The following CAMTA1 variants were observed in gnomAD, a reference collection of about 807,000 sequenced individuals.
The protein encoded by CAMTA1 is calmodulin-binding transcription activator 1.
CAMTA1 carries 27 observed loss-of-function variants against 170.9 expected under a neutral mutation model. That is an observed-to-expected ratio of 0.16 (90% CI 0.12 to 0.22). CAMTA1 has a LOEUF of 0.22. Among genes scored for constraint, CAMTA1 ranks in the 10% least tolerant of loss-of-function variants. The probability of loss-of-function intolerance (pLI) is 1.00; values close to 1 mark genes in which losing one functional copy is unlikely to be tolerated. For synonymous variants in CAMTA1, 833 were observed against 891.5 expected (o/e 0.93, Z 1.17); for missense variants, 1,619 against 2,217.2 (o/e 0.73, Z 5.42).
At chr1:7,493,901 T>C (rs965668941) in intron 6 of CAMTA1, among the ~76,000 whole-genome samples, 2 of 152,116 alleles carry the variant, frequency 1.3e-5, no homozygotes, top group East Asian at 3.9e-4. Flanking sequence ...CAGTGCTGGA[T>C]GGCCCCATGG....
intron 6 of CAMTA1, among the ~76,000 whole-genome samples, chr1:7,517,814 G>A (rs568183595): frequency 6.6e-6 from 1 of 152,082 alleles, no homozygotes; most frequent in Admixed American, 6.5e-5. Flanking sequence ...GTACACCCCT[G>A]GAGGATGTCC....
At position 7,171,779 on chromosome 1, in the gene CAMTA1, C is replaced by G. The variant is rs768224984; in HGVS notation, c.303-77712C>G. Among the ~76,000 whole-genome samples the G allele has an allele frequency of 5.9e-5, 9 of 152,328 alleles. No homozygotes were observed. In the South Asian group the frequency reaches 1.0e-3, roughly 18 times the overall value. On this transcript the variant is annotated intron_variant, in intron 4 of 22. Coordinates refer to ENST00000303635, the MANE Select transcript of CAMTA1 (RefSeq NM_015215.4). ...AGGCAGTCCCTCCCTGGTCCCCCTCCTACAGCTCCTGGCAGGCACTCAGCT... is the reference window on the plus strand; with the variant it reads ...AGGCAGTCCCTCCCTGGTCCCCCTCGTACAGCTCCTGGCAGGCACTCAGCT...
At position 7,547,887 on chromosome 1, in the gene CAMTA1, C is replaced by T. The variant is rs747044696; in HGVS notation, c.510+79986C>T. ...CAAGGGCACTCCACTGTGTGGACCC[C>T]CCACTCACCCGTCAATATGCCCTTA... On this transcript the variant is annotated intron_variant, in intron 6 of 22. Coordinates refer to ENST00000303635, the MANE Select transcript of CAMTA1 (RefSeq NM_015215.4). The surrounding 1 kb of genome is among the most constrained non-coding windows in gnomAD (Gnocchi z 5.7). Among the ~76,000 whole-genome samples, 15 of 152,076 alleles carry T rather than the reference C, an allele frequency of 9.9e-5. No individual in the cohort carries two copies. The highest frequency in any genetic ancestry group is 2.1e-4 in the South Asian group (1 of 4,822).
At position 7,711,041 on chromosome 1, in the gene CAMTA1, C is replaced by T. The variant is rs563390480; in HGVS notation, c.2915-21407C>T. Among the ~76,000 whole-genome samples, 9 of 152,316 alleles carry T rather than the reference C, an allele frequency of 5.9e-5. No homozygotes were observed. The South Asian group carries it at 1.7e-3, about 28-fold the overall frequency. On this transcript the variant is annotated intron_variant, in intron 11 of 22. Transcript: ENST00000303635. ...GTGCAGTTCCTTAGTTCAGGCTGCT[C>T]TAACAAAGTACCATGGACAGGTGTC...
At chr1:7,306,606 G>C (rs540517582) in intron 5 of CAMTA1, among the ~76,000 whole-genome samples, 1 of 151,904 alleles carries the variant, frequency 6.6e-6, no homozygotes, top group South Asian at 2.1e-4. Flanking sequence ...AATTGTTTTG[G>C]CTATACTAAT....
In CAMTA1 at chr1:7,414,471, C is replaced by T. The variant is rs866085579; in HGVS notation, c.439-53359C>T. 4.5e-3 allele frequency among the ~76,000 whole-genome samples: 683 copies of T among 152,196 alleles called. 4 individuals carry two copies. Among genetic ancestry groups the T allele is most frequent in the African/African-American group, 0.016 (645 of 41,500 alleles). ...GGTCTATTCAGAGATTCAACTTCTT[C>T]CTGGTTTAGTCTTGGGAGAGTGTAT... On this transcript the variant is annotated intron_variant, in intron 5 of 22. Coordinates refer to ENST00000303635, the MANE Select transcript of CAMTA1 (RefSeq NM_015215.4).
At chr1:7,703,356 G>C (rs1291764512) in intron 11 of CAMTA1, among the ~76,000 whole-genome samples, 2 of 152,328 alleles carry the variant, frequency 1.3e-5, no homozygotes, top group East Asian at 3.9e-4. Flanking sequence ...ACCTAGAGCA[G>C]GATTGGAATA....
At chr1:7,046,664 A>G (rs1705434502) in intron 3 of CAMTA1, among the ~76,000 whole-genome samples, 1 of 152,192 alleles carries the variant, frequency 6.6e-6, no homozygotes, top group African/African-American at 2.4e-5. Flanking sequence ...GAGAGGAGAA[A>G]GTGACTAACT....
At chr1:7,078,491 G>C (rs543997323) in intron 3 of CAMTA1, among the ~76,000 whole-genome samples, 1 of 152,186 alleles carries the variant, frequency 6.6e-6, no homozygotes, top group African/African-American at 2.4e-5. Flanking sequence ...ACGATAGCCT[G>C]TCTCTGAGAC....
chr1:7,340,921 G>A (rs1030270087), intron 5 of CAMTA1, among the ~76,000 whole-genome samples: 2 of 152,206 alleles, frequency 1.3e-5, no homozygotes, highest in Non-Finnish European at 2.9e-5. Flanking sequence ...ACAAACCAAA[G>A]GAGTGAACGC....
chr1:7,252,642 T>A (rs891953726), intron 5 of CAMTA1, among the ~76,000 whole-genome samples: 3 of 152,150 alleles, frequency 2.0e-5, no homozygotes, highest in Non-Finnish European at 4.4e-5. Context: ...TTCAATCAGG[T>A]GGTTCCCATA....
rs568875265 is a variant in CAMTA1 at position 7,642,403 on chromosome 1, G to A, written c.664+1850G>A. Among the ~76,000 whole-genome samples the A allele has an allele frequency of 1.3e-5, 2 of 152,296 alleles. No homozygotes were observed. The highest frequency in any genetic ancestry group is 6.5e-5 in the Admixed American group (1 of 15,296). On this transcript the variant is annotated intron_variant, in intron 7 of 22. Coordinates refer to ENST00000303635, the MANE Select transcript of CAMTA1 (RefSeq NM_015215.4). The surrounding 1 kb of genome is among the most constrained non-coding windows in gnomAD (Gnocchi z 6.3). ...TGCAGTGTCCTGGCTCTGGGAGCCG[G>A]GGCTGCTGAGTGGCACTTTCCCAAG...
At chr1:7,471,874 CCTT>C (rs2093337995) in intron 6 of CAMTA1, among the ~76,000 whole-genome samples, 2 of 152,250 alleles carry the variant, frequency 1.3e-5, no homozygotes, top group Admixed American at 1.3e-4. Flanking sequence ...CACCTTCCGT[CCTT>C]CTCTGCATTC....
intron 5 of CAMTA1, among the ~76,000 whole-genome samples, chr1:7,444,080 C>T (rs2092620664): frequency 6.6e-6 from 1 of 152,216 alleles, no homozygotes; most frequent in South Asian, 2.1e-4. Context: ...CAGAGGAAAC[C>T]CGCTGGTGCT....
chr1:7,662,472 G>C (rs1231297022), intron 8 of CAMTA1, among the ~76,000 whole-genome samples: 1 of 152,088 alleles, frequency 6.6e-6, no homozygotes, highest in African/African-American at 2.4e-5. Flanking sequence ...GAGTCTTGGT[G>C]GTGAGGCCAT....
rs139986660 is a variant in CAMTA1 at position 7,712,128 on chromosome 1, G to T, written c.2915-20320G>T. ...TCGCATTTATATATTAAGTGATGCT[G>T]CTTAAATAAGGAAATATATAAAATA... On this transcript the variant is annotated intron_variant, in intron 11 of 22. Coordinates refer to ENST00000303635, the MANE Select transcript of CAMTA1 (RefSeq NM_015215.4). Among the ~76,000 whole-genome samples the T allele has an allele frequency of 9.8e-4, 149 of 152,220 alleles. 1 individual carries two copies. The highest frequency in any genetic ancestry group is 3.5e-3 in the African/African-American group (147 of 41,528).
At position 7,640,547 on chromosome 1, in the gene CAMTA1, C is replaced by A; in HGVS notation, c.658C>A (p.Pro220Thr). ...AGAAGAGCTCATCGGGCAGCTGAAA[C>A]CCATGTGTGAGTGGCCTTGGCCGGC... ...TKEELIGQLK[P>T]MFHGIKWTCS... The change falls in exon 7 of 23, where the codon CCC becomes ACC. Residue 220 changes from proline to threonine, a missense_variant. By Grantham distance (38) the Pro-to-Thr change is conservative. Coordinates refer to ENST00000303635, the MANE Select transcript of CAMTA1 (RefSeq NM_015215.4). The A allele has an allele frequency of 6.2e-7, 1 of 1,614,198 alleles. No homozygotes were observed. The highest frequency in any genetic ancestry group is 8.5e-7 in the Non-Finnish European group (1 of 1,180,026).
intron 2 of CAMTA1, among the ~76,000 whole-genome samples, chr1:6,821,047 C>A (rs1315220038): frequency 1.3e-5 from 2 of 152,078 alleles, no homozygotes; most frequent in Non-Finnish European, 2.9e-5. Flanking sequence ...GTAATATGAT[C>A]AACAGGAAAA....
intron 3 of CAMTA1, among the ~76,000 whole-genome samples, chr1:7,088,947 C>T (rs956202063): frequency 1.3e-5 from 2 of 152,212 alleles, no homozygotes; most frequent in African/African-American, 4.8e-5. Flanking sequence ...CAACTCTGAA[C>T]GGTCATTCCG....
Sources: gnomAD v4.1 joint callset for allele counts (sites outside exome capture counted in the v4.1 genomes callset) on GRCh38, gnomAD v4.1.1 for gene constraint, Gnocchi (gnomAD v3.1) non-coding constraint, MANE v1.5 for transcripts, NCBI Gene and HGNC (gene_info 2026-07-23, HGNC 2026-07-21) for gene names.